BICRA: variants seen among roughly 807,000 people sequenced by gnomAD.
BICRA encodes BRD4-interacting chromatin-remodeling complex-associated protein.
In BICRA, 31 loss-of-function variants were observed where a neutral mutation model predicts 96.9. The ratio of observed to expected loss-of-function variants is 0.32; its 90% CI spans 0.24 to 0.43. BICRA has a LOEUF of 0.43. Among genes scored for constraint, BICRA ranks in the 20% least tolerant of loss-of-function variants. The pLI is 1.00. For missense variants in BICRA, 2,283 were observed against 2,190.3 expected (o/e 1.04, Z -0.84); for synonymous variants, 1,350 against 1,071.8 (o/e 1.26, Z -5.07).
chr19:47,698,606 G>A lies in BICRA; in HGVS notation c.3249-28G>A. 1.8e-6 allele frequency: 2 copies of A among 1,129,422 alleles called. No homozygotes were observed. Among genetic ancestry groups the A allele is most frequent in the Non-Finnish European group, 2.7e-6 (2 of 744,926 alleles). 70.0% of individuals were successfully genotyped at this position (1,129,422 alleles called of 1,614,324 possible). ...ACCCGTCCCCCCCACCCTCCGCCGT[G>A]TGTGGTCTCTCCCCTTTCCACCCGC... is the stretch of plus-strand genomic sequence containing the variant. On this transcript the variant is annotated intron_variant, in intron 11 of 14. Transcript: ENST00000594866. This position sits in a 1 kb window ranked among gnomAD's most constrained non-coding sequence, Gnocchi z 4.8.
chr19:47,622,673 G>A (rs1273797681), intron 1 of BICRA, among the ~76,000 whole-genome samples: 4 of 142,660 alleles, frequency 2.8e-5, no homozygotes, highest in Non-Finnish European at 4.5e-5. Context: ...GCAGTGAGCC[G>A]AGATTGTGCC....
At chr19:47,646,855 T>G (rs1972467286) in intron 1 of BICRA, among the ~76,000 whole-genome samples, 1 of 152,198 alleles carries the variant, frequency 6.6e-6, no homozygotes, top group Non-Finnish European at 1.5e-5. Flanking sequence ...CAGTTTATAG[T>G]GTGTTTGCAG....
At chr19:47,681,884 C>T in intron 6 of BICRA, 92 bp from the exon 7 acceptor site, 1 of 901,020 alleles carries the variant, frequency 1.1e-6, no homozygotes. Flanking sequence ...CTCTGGAACC[C>T]TGGGAGCGTC....
rs779521147 is a variant in BICRA, at chr19:47,699,277, G to C, written c.3493-26G>C. The C allele has an allele frequency of 1.2e-5, 16 of 1,350,276 alleles. 1 individual carries two copies. The Admixed American group carries it at 3.1e-4, about 27-fold the overall frequency. The allele number at this position is 1,350,276 out of a possible 1,614,324, so 83.6% of individuals were successfully genotyped here. ...CTTCCCCCTTCTTGCTGGTTCACTC[G>C]CACGTCGTCTTTTCCCCCACCCCAG... is the stretch of plus-strand genomic sequence containing the variant. On this transcript the variant is annotated intron_variant, in intron 13 of 14. Transcript: ENST00000594866. This position sits in a 1 kb window ranked among gnomAD's most constrained non-coding sequence, Gnocchi z 5.0.
At position 47,635,453 on chromosome 19, in the gene BICRA, A is replaced by G. The variant is rs191471021; in HGVS notation, c.-108+26285A>G. ...CTTTTTGTAGAGACAGGGTCTCACTATGTTGCCCAGGCTGGTCTTGAACTC... is the reference window on the plus strand; with the variant it reads ...CTTTTTGTAGAGACAGGGTCTCACTGTGTTGCCCAGGCTGGTCTTGAACTC... On this transcript the variant is annotated intron_variant, in intron 1 of 14. Transcript: ENST00000594866. 1.7e-3 allele frequency among the ~76,000 whole-genome samples: 258 copies of G among 151,418 alleles called. 1 individual carries two copies. The highest frequency in any genetic ancestry group is 0.013 in the Admixed American group (191 of 15,188).
At chr19:47,629,363 C>T (rs1007025468) in intron 1 of BICRA, among the ~76,000 whole-genome samples, 1 of 152,200 alleles carries the variant, frequency 6.6e-6, no homozygotes, top group African/African-American at 2.4e-5. Context: ...TAGTAGCCTC[C>T]ATTCAACTTT....
At position 47,698,529 on chromosome 19, in the gene BICRA, T is replaced by C. The variant is rs559470710; in HGVS notation, c.3249-105T>C. 9.0e-5 allele frequency: 62 copies of C among 686,630 alleles called. No homozygotes were observed. In the African/African-American group the frequency reaches 9.4e-4, roughly 10 times the overall value. The allele number at this position is 686,630 out of a possible 1,614,324, so 42.5% of individuals were successfully genotyped here. On this transcript the variant is annotated intron_variant, in intron 11 of 14. Transcript: ENST00000594866. The surrounding 1 kb of genome is among the most constrained non-coding windows in gnomAD (Gnocchi z 4.8). ...GCCCAAGTATTCCCCTTCCCGCTGT[T>C]GTGTTCAGTTGCGGCCTGGGGCTGA...
intron 11 of BICRA, among the ~76,000 whole-genome samples, chr19:47,697,102 G>A (rs536314871): frequency 1.0e-3 from 155 of 151,516 alleles, no homozygotes; most frequent in Middle Eastern, 3.4e-3. Context: ...CGCCTCCCCC[G>A]TTCATGTGAT....
chr19:47,694,557 A>G lies in BICRA; in HGVS notation c.2726A>G (p.Gln909Arg), dbSNP rs772078477. Residue 909 changes from glutamine to arginine, a missense_variant, in exon 8 of 15, where the codon CAG becomes CGG. Gln to Arg is a conservative substitution (Grantham distance 43). Transcript: ENST00000594866. ...PAPTPSDFQL[Q>R]FPPSQGPHKS... is the part of the protein sequence containing the mutation. ...CCTACGCCATCCGACTTCCAGCTCC[A>G]GTTCCCACCCAGCCAGGGGCCCCAC... 3 of 1,591,294 alleles carry G rather than the reference A, an allele frequency of 1.9e-6. No individual in the cohort carries two copies. The South Asian group carries it at 3.3e-5, about 18-fold the overall frequency.
rs370240999 is a variant in BICRA, at chr19:47,624,285, G to A, written c.-108+15117G>A. Reference sequence around the variant, plus strand: ...AAGCTGGTTCCCGCCTCCCCACCTCGGCCTGCACTGTACTCTGCCCAGAGT... The same window carrying A: ...AAGCTGGTTCCCGCCTCCCCACCTCAGCCTGCACTGTACTCTGCCCAGAGT... On this transcript the variant is annotated intron_variant, in intron 1 of 14. Coordinates refer to ENST00000594866, the MANE Select transcript of BICRA (RefSeq NM_001394372.1). 1.3e-4 allele frequency among the ~76,000 whole-genome samples: 20 copies of A among 152,068 alleles called. No homozygotes were observed. The East Asian group carries it at 2.7e-3, about 21-fold the overall frequency.
intron 1 of BICRA, among the ~76,000 whole-genome samples, chr19:47,621,667 T>C (rs1456662614): frequency 6.6e-6 from 1 of 151,556 alleles, no homozygotes; most frequent in Non-Finnish European, 1.5e-5. Flanking sequence ...AGAGAGGGGG[T>C]TTCACCATGT....
chr19:47,624,160 T>G (rs1392256126), intron 1 of BICRA, among the ~76,000 whole-genome samples: 1 of 152,102 alleles, frequency 6.6e-6, no homozygotes, highest in East Asian at 1.9e-4. Context: ...AGATTGTGAC[T>G]CCCTAGTGCC....
Position 47,694,578 on chromosome 19 carries a change from C to T in BICRA, c.2747C>T (p.Pro916Leu). 2 of 1,602,724 alleles carry T rather than the reference C, an allele frequency of 1.2e-6. No homozygotes were observed. Among genetic ancestry groups the T allele is most frequent in the Non-Finnish European group, 8.5e-7 (1 of 1,170,830 alleles). The change falls in exon 8 of 15, where the codon CCC becomes CTC. Residue 916 changes from proline (P) to leucine (L), a missense_variant. Transcript: ENST00000594866. The part of the protein sequence containing the change: ...FQLQFPPSQG[P>L]HKSPTPPPTL... Reference sequence around the variant, plus strand: ...CTCCAGTTCCCACCCAGCCAGGGGCCCCACAAGTCCCCCACTCCCCCTCCA... The same window carrying T: ...CTCCAGTTCCCACCCAGCCAGGGGCTCCACAAGTCCCCCACTCCCCCTCCA...
chr19:47,627,059 T>G (rs1457803513), intron 1 of BICRA, among the ~76,000 whole-genome samples: 1 of 152,112 alleles, frequency 6.6e-6, no homozygotes, highest in East Asian at 1.9e-4. Flanking sequence ...CGCTGCCCCC[T>G]TGGTACAGGG....
At chr19:47,673,541 C>G (rs754994318) in intron 2 of BICRA, 29 bp from the exon 3 acceptor site, 1 of 1,597,586 alleles carries the variant, frequency 6.3e-7, no homozygotes, top group South Asian at 1.1e-5. Flanking sequence ...TTGTCTCCCT[C>G]GCCCTCTTCC....
chr19:47,639,334 T>TG, intron 1 of BICRA, among the ~76,000 whole-genome samples: 1 of 132,132 alleles, frequency 7.6e-6, no homozygotes, highest in Admixed American at 7.5e-5. Context: ...TTTTTTTTTT[T>TG]TTTTTTTTTT....
chr19:47,609,874 G>C (rs755444881), intron 1 of BICRA, among the ~76,000 whole-genome samples: 1 of 152,100 alleles, frequency 6.6e-6, no homozygotes, highest in Non-Finnish European at 1.5e-5. Flanking sequence ...AATGAAAGGA[G>C]TTGACTTGAC....
chr19:47,624,731 G>T (rs1402821096), intron 1 of BICRA, among the ~76,000 whole-genome samples: 1 of 151,152 alleles, frequency 6.6e-6, no homozygotes, highest in East Asian at 1.9e-4. Flanking sequence ...GTCTCATTCT[G>T]TCGCCCAGGC....
At chr19:47,690,832 T>G (rs1282877705) in intron 7 of BICRA, among the ~76,000 whole-genome samples, 2 of 151,964 alleles carry the variant, frequency 1.3e-5, no homozygotes, top group South Asian at 4.1e-4. Flanking sequence ...TTGATGAGAA[T>G]GAAATTAAAT....
Sources: gnomAD v4.1 joint callset for allele counts (sites outside exome capture counted in the v4.1 genomes callset) on GRCh38, gnomAD v4.1.1 for gene constraint, Gnocchi (gnomAD v3.1) non-coding constraint, MANE v1.5 for transcripts, NCBI Gene and HGNC (gene_info 2026-07-23, HGNC 2026-07-21) for gene names.